DNAH5: variants seen among roughly 807,000 people sequenced by gnomAD.
The protein encoded by DNAH5 is axonemal beta dynein heavy chain 5.
Under a neutral mutation model 518.2 loss-of-function variants are expected in DNAH5, and 372 were observed. The observed-to-expected ratio is 0.72, with a 90% CI of 0.66 to 0.78. The LOEUF (loss-of-function observed/expected upper bound fraction) is 0.78. Ranked by LOEUF, DNAH5 falls within the 30% of genes least tolerant of loss-of-function variation. The pLI is 0.00. For synonymous variants in DNAH5, 2,039 were observed against 2,025.9 expected (o/e 1.01, Z -0.17); for missense variants, 5,523 against 5,687.0 (o/e 0.97, Z 0.93).
At chr5:13,873,712 GCTGGTCTCAAACTC>G (rs1770470281) in intron 22 of DNAH5, among the ~76,000 whole-genome samples, 2 of 151,908 alleles carry the variant, frequency 1.3e-5, no homozygotes, top group African/African-American at 4.8e-5. Flanking sequence ...TGTTACCCAA[GCTGGTCTCAAACTC>G]CTGGCTTCAA....
chr5:13,769,640 A>C, intron 56 of DNAH5, 25 bp from the exon 57 acceptor site: 1 of 1,575,156 alleles, frequency 6.3e-7, no homozygotes, highest in South Asian at 1.1e-5. Context: ...CCAAGCAAGC[A>C]ATGTTAAAAT....
chr5:13,920,398 T>A lies in DNAH5; in HGVS notation c.798+82A>T, dbSNP rs977351505. Reference sequence around the variant, plus strand: ...ACAGTAAAACGCTTAACAAATGGAATGTCGTATGTCAATACACCTTCTTCC... The same window carrying A: ...ACAGTAAAACGCTTAACAAATGGAAAGTCGTATGTCAATACACCTTCTTCC... On this transcript the variant is annotated intron_variant, in intron 6 of 78. Coordinates refer to ENST00000265104, the MANE Select transcript of DNAH5 (RefSeq NM_001369.3). 8 of 1,564,210 alleles carry A rather than the reference T, an allele frequency of 5.1e-6. No homozygotes were observed. The South Asian group carries it at 8.9e-5, about 17-fold the overall frequency.
In DNAH5 at chr5:13,727,625, C is replaced by G. The variant is rs758900775; in HGVS notation, c.11915G>C (p.Trp3972Ser). The G allele has an allele frequency of 2.6e-5, 42 of 1,613,818 alleles. 1 individual carries two copies. The South Asian group carries it at 4.3e-4, about 16-fold the overall frequency. Reference sequence around the variant, plus strand: ...CTCCTCCGGGTTTTCCTTATCAAACCAAATTTTCCACATTTTCTCATTTCT... The same window carrying G: ...CTCCTCCGGGTTTTCCTTATCAAACGAAATTTTCCACATTTTCTCATTTCT... ...ISRNEKMWKIWFDKENPEEEP... is the reference protein window; with the variant it reads ...ISRNEKMWKISFDKENPEEEP... The change falls in exon 70 of 79, where the codon TGG becomes TCG. Residue 3972 changes from tryptophan to serine, a missense_variant. Physicochemically the swap from Trp to Ser is radical, Grantham distance 177 (BLOSUM62 -3). Coordinates refer to ENST00000265104, the MANE Select transcript of DNAH5 (RefSeq NM_001369.3).
Position 13,691,723 on chromosome 5 carries a change from T to G in DNAH5, c.*261A>C. The stretch of plus-strand genomic sequence containing the variant: ...TAAGAAGAAAATATACTACTGTGGA[T>G]TTGAGGGCCACACTTCATTAGGATG... On this transcript the variant is annotated 3_prime_UTR_variant, in exon 79 of 79. Transcript: ENST00000265104. The G allele has an allele frequency of 2.2e-6, 1 of 461,986 alleles. No individual in the cohort carries two copies. Among genetic ancestry groups the G allele is most frequent in the Non-Finnish European group, 4.0e-6 (1 of 252,782 alleles). The allele number at this position is 461,986 out of a possible 1,614,324, so 28.6% of individuals were successfully genotyped here. A position where few individuals can be genotyped will look rare whatever the true frequency, so the allele number is the denominator to read the frequency against.
At chr5:13,850,307 A>G (rs556409268) in intron 31 of DNAH5, among the ~76,000 whole-genome samples, 1 of 152,050 alleles carries the variant, frequency 6.6e-6, no homozygotes, top group Non-Finnish European at 1.5e-5. Context: ...ACTGTTTCAT[A>G]TAATGAGTAT....
intron 1 of DNAH5, among the ~76,000 whole-genome samples, chr5:13,960,071 G>A (rs1377144631): frequency 2.7e-5 from 4 of 149,228 alleles, no homozygotes; most frequent in Non-Finnish European, 4.4e-5. Flanking sequence ...GAAAAGGAGT[G>A]TTCTGCTTCC....
chr5:13,906,760 G>A (rs973731733), intron 12 of DNAH5, among the ~76,000 whole-genome samples: 6 of 152,096 alleles, frequency 3.9e-5, no homozygotes, highest in South Asian at 2.1e-4. Context: ...CAAACATTAC[G>A]TGATACTTTA....
At chr5:13,816,272 T>C (rs1315794344) in intron 42 of DNAH5, among the ~76,000 whole-genome samples, 1 of 152,230 alleles carries the variant, frequency 6.6e-6, no homozygotes, top group East Asian at 1.9e-4. Context: ...AGCAGATTGC[T>C]CAACAAGAAT....
At chr5:13,815,535 AC>A (rs1393428900) in intron 42 of DNAH5, among the ~76,000 whole-genome samples, 2 of 152,158 alleles carry the variant, frequency 1.3e-5, no homozygotes, top group Non-Finnish European at 2.9e-5. Context: ...CCTCCCCAGA[AC>A]CCGACCATGC....
Position 13,973,503 on chromosome 5 carries a change from A to T in DNAH5, c.12+38145T>A, listed in dbSNP as rs1295432213. On this transcript the variant is annotated intron_variant, in intron 1 of 78. Transcript: ENST00000681290. The stretch of plus-strand genomic sequence containing the variant: ...GTTCAGGGGATGGCCCTGCCAGCTG[A>T]GCTGCTCCTCTTCTGCTGTGGCTTC... 2.0e-5 allele frequency among the ~76,000 whole-genome samples: 3 copies of T among 152,342 alleles called. No individual in the cohort carries two copies. In the South Asian group the frequency reaches 6.2e-4, roughly 32 times the overall value.
At chr5:13,692,162 T>C in intron 78 of DNAH5, 27 bp from the exon 79 acceptor site, 1 of 1,613,306 alleles carries the variant, frequency 6.2e-7, no homozygotes, top group Non-Finnish European at 8.5e-7. Flanking sequence ...AGAAAAGAAC[T>C]TGGTGAAATT....
chr5:13,894,790 G>C lies in DNAH5; in HGVS notation c.2291C>G (p.Ser764Ter). The C allele has an allele frequency of 1.2e-6, 2 of 1,613,944 alleles. No homozygotes were observed. Among genetic ancestry groups the C allele is most frequent in the Non-Finnish European group, 1.7e-6 (2 of 1,179,934 alleles). Residue 764 changes from serine (S) to a stop codon, truncating the protein, a stop_gained, in exon 16 of 79, where the codon TCA (serine) becomes TGA (stop). Transcript: ENST00000265104. LOFTEE classifies it high-confidence loss of function. ...MMLAEYQRVK[S>*]KIPAAIEQLI... ...TTGCTCAATGGCAGCAGGTATTTTTGACTTCACTCTCTGATATTCAGCTAG... is the reference window on the plus strand; with the variant it reads ...TTGCTCAATGGCAGCAGGTATTTTTCACTTCACTCTCTGATATTCAGCTAG...
At chr5:13,838,362 G>A (rs1255768190) in intron 35 of DNAH5, among the ~76,000 whole-genome samples, 2 of 152,192 alleles carry the variant, frequency 1.3e-5, no homozygotes, top group African/African-American at 4.8e-5. Flanking sequence ...CGGCGGGCAA[G>A]TGAGAGAAGC....
intron 60 of DNAH5, among the ~76,000 whole-genome samples, chr5:13,761,969 C>T (rs1751846647): frequency 6.6e-6 from 1 of 152,138 alleles, no homozygotes; most frequent in South Asian, 2.1e-4. Context: ...GGGTAGTTAA[C>T]AAGTGTAAGT....
At chr5:13,980,828 A>C (rs1302293940) in intron 1 of DNAH5, among the ~76,000 whole-genome samples, 2 of 151,694 alleles carry the variant, frequency 1.3e-5, no homozygotes, top group African/African-American at 4.9e-5. Flanking sequence ...CTCTTTGCTC[A>C]CTCCCCTCCA....
At chr5:13,970,892 T>C (rs545379340) in intron 1 of DNAH5, among the ~76,000 whole-genome samples, 1 of 152,338 alleles carries the variant, frequency 6.6e-6, no homozygotes, top group East Asian at 1.9e-4. Context: ...TCCAAACTTT[T>C]AGATTTCTCT....
intron 1 of DNAH5, among the ~76,000 whole-genome samples, chr5:13,940,412 T>A (rs1018623737): frequency 5.3e-5 from 8 of 151,990 alleles, no homozygotes; most frequent in Admixed American, 1.3e-4. Flanking sequence ...ATGCTAAAAA[T>A]ATATATATAT....
intron 34 of DNAH5, among the ~76,000 whole-genome samples, chr5:13,839,901 C>T (rs1301810477): frequency 6.6e-6 from 1 of 152,168 alleles, no homozygotes; most frequent in Non-Finnish European, 1.5e-5. Flanking sequence ...CAGCAATAAA[C>T]AATCTCATTA....
chr5:13,837,681 T>C (rs2151853065), intron 35 of DNAH5, among the ~76,000 whole-genome samples: 1 of 148,392 alleles, frequency 6.7e-6, no homozygotes, highest in East Asian at 2.0e-4. Context: ...AATTCCTATT[T>C]GGGAACTCCA....
Sources: gnomAD v4.1 joint callset for allele counts (sites outside exome capture counted in the v4.1 genomes callset) on GRCh38, gnomAD v4.1.1 for gene constraint, MANE v1.5 for transcripts, NCBI Gene and HGNC (gene_info 2026-07-23, HGNC 2026-07-21) for gene names.